AGBL4: variants seen among roughly 807,000 people sequenced by gnomAD.
AGBL4 encodes AGBL carboxypeptidase 4.
A neutral mutation model predicts 66.4 loss-of-function variants in AGBL4; 58 were observed. That is an observed-to-expected ratio of 0.87 (90% CI 0.71 to 1.09). The LOEUF is 1.09. Ranked by LOEUF, AGBL4 falls within the 50% of genes least tolerant of loss-of-function variation. The pLI is 0.00. For missense variants in AGBL4, 579 were observed against 631.0 expected, an observed-to-expected ratio of 0.92 and a Z score of 0.88; for synonymous variants, 234 against 222.9, an observed-to-expected ratio of 1.05 and a Z score of -0.44.
intron 5 of AGBL4, among the ~76,000 whole-genome samples, chr1:49,035,695 T>G (rs1664590756): frequency 6.6e-6 from 1 of 152,078 alleles, no homozygotes; most frequent in African/African-American, 2.4e-5. Context: ...AACAACAGCC[T>G]GACTATCACC....
chr1:49,596,033 G>C (rs1159007440), intron 3 of AGBL4, among the ~76,000 whole-genome samples: 1 of 152,062 alleles, frequency 6.6e-6, no homozygotes. Context: ...GTATGAGAGA[G>C]GCAGGTTCTA....
intron 5 of AGBL4, among the ~76,000 whole-genome samples, chr1:48,927,452 G>C (rs1654680882): frequency 6.6e-6 from 1 of 152,150 alleles, no homozygotes; most frequent in Non-Finnish European, 1.5e-5. Context: ...TCCCTCCCAT[G>C]AAATGTGGGA....
intron 5 of AGBL4, among the ~76,000 whole-genome samples, chr1:48,991,792 T>A (rs942560809): frequency 6.6e-6 from 1 of 152,184 alleles, no homozygotes; most frequent in African/African-American, 2.4e-5. Context: ...TTCTTTAGTA[T>A]GTTAATTGTA....
chr1:49,919,690 T>C (rs1651987879), intron 1 of AGBL4, among the ~76,000 whole-genome samples: 1 of 151,918 alleles, frequency 6.6e-6, no homozygotes, highest in African/African-American at 2.4e-5. Context: ...TTCAATGCCA[T>C]CCCCATCAAG....
At chr1:49,808,348 A>G (rs1645019993) in intron 2 of AGBL4, among the ~76,000 whole-genome samples, 1 of 152,180 alleles carries the variant, frequency 6.6e-6, no homozygotes, top group Non-Finnish European at 1.5e-5. Context: ...ATAGATTCAC[A>G]AAGGGAAGAC....
intron 3 of AGBL4, among the ~76,000 whole-genome samples, chr1:49,639,070 G>T (rs979503684): frequency 1.3e-5 from 2 of 152,122 alleles, no homozygotes; most frequent in African/African-American, 4.8e-5. Context: ...GGATCATCAG[G>T]GGGTAGCAGC....
chr1:49,398,410 C>T (rs751143556), intron 3 of AGBL4, among the ~76,000 whole-genome samples: 2 of 151,778 alleles, frequency 1.3e-5, no homozygotes, highest in Non-Finnish European at 2.9e-5. Context: ...CTTACAGCAG[C>T]ATTCAGCCCA....
At chr1:48,582,415 A>G (rs1422644132) in intron 11 of AGBL4, among the ~76,000 whole-genome samples, 1 of 152,218 alleles carries the variant, frequency 6.6e-6, no homozygotes, top group African/African-American at 2.4e-5. Context: ...ACATAATTTT[A>G]TTCCACAAAA....
At chr1:49,685,063 T>C (rs946009609) in intron 3 of AGBL4, among the ~76,000 whole-genome samples, 2 of 152,176 alleles carry the variant, frequency 1.3e-5, no homozygotes, top group Admixed American at 1.3e-4. Flanking sequence ...TCCTCCCACC[T>C]TCCACCTTCA....
chr1:49,361,786 T>G (rs1287418539), intron 3 of AGBL4, among the ~76,000 whole-genome samples: 2 of 151,940 alleles, frequency 1.3e-5, no homozygotes, highest in African/African-American at 4.8e-5. Context: ...CACGCACGCA[T>G]TACTTAATCT....
At chr1:49,844,431 T>TC (rs1646084480) in intron 2 of AGBL4, among the ~76,000 whole-genome samples, 1 of 152,146 alleles carries the variant, frequency 6.6e-6, no homozygotes, top group Non-Finnish European at 1.5e-5. Context: ...CAACTGTTTT[T>TC]CCCTTCCTCT....
intron 2 of AGBL4, among the ~76,000 whole-genome samples, chr1:49,826,128 GTTT>G (rs1226767726): frequency 6.6e-6 from 1 of 151,882 alleles, no homozygotes; most frequent in Non-Finnish European, 1.5e-5. Flanking sequence ...TTAAAAAGTT[GTTT>G]TTTTCCTGTG....
chr1:49,422,668 A>G (rs562967268), intron 3 of AGBL4, among the ~76,000 whole-genome samples: 1 of 152,214 alleles, frequency 6.6e-6, no homozygotes, highest in Non-Finnish European at 1.5e-5. Context: ...TGCTGGTGTC[A>G]TCCTCCTACT....
At chr1:48,758,665 C>G (rs1644077759) in intron 6 of AGBL4, among the ~76,000 whole-genome samples, 1 of 152,190 alleles carries the variant, frequency 6.6e-6, no homozygotes, top group Admixed American at 6.5e-5. Flanking sequence ...AGCTCTTAGT[C>G]TCTGACCCAT....
intron 4 of AGBL4, among the ~76,000 whole-genome samples, chr1:49,175,946 A>G (rs1203282535): frequency 1.3e-5 from 2 of 152,170 alleles, no homozygotes; most frequent in Non-Finnish European, 2.9e-5. Flanking sequence ...CTTAATCTAA[A>G]TCACTTAGAC....
At chr1:48,776,892 G>T in intron 6 of AGBL4, 1 of 1,182,458 alleles carries the variant, frequency 8.5e-7, no homozygotes, top group Non-Finnish European at 1.2e-6. Flanking sequence ...GCGCGGAGGT[G>T]GGGATCCGGC....
At chr1:48,780,192 C>A (rs1379382642) in intron 6 of AGBL4, among the ~76,000 whole-genome samples, 1 of 142,870 alleles carries the variant, frequency 7.0e-6, no homozygotes, top group Non-Finnish European at 1.5e-5. Context: ...CCCAGCCCCC[C>A]ACCCCCCTAC....
intron 11 of AGBL4, among the ~76,000 whole-genome samples, chr1:48,551,513 TC>T (rs1644248247): frequency 6.6e-6 from 1 of 152,100 alleles, no homozygotes; most frequent in African/African-American, 2.4e-5. Context: ...CACATTTGTT[TC>T]CAGAGTTATT....
intron 6 of AGBL4, among the ~76,000 whole-genome samples, chr1:48,712,260 C>A (rs1646979640): frequency 6.6e-6 from 1 of 152,192 alleles, no homozygotes; most frequent in Admixed American, 6.5e-5. Flanking sequence ...GGGCCAGGCA[C>A]TGTGCTGGTC....
Sources: allele counts gnomAD v4.1 joint callset (sites outside exome capture counted in the v4.1 genomes callset), GRCh38; gene constraint gnomAD v4.1.1; transcripts MANE v1.5; gene names NCBI Gene and HGNC (gene_info 2026-07-23, HGNC 2026-07-21).